TBC1D1: variants seen among roughly 807,000 people sequenced by gnomAD.
TBC1D1 encodes TBC1 (tre-2/USP6, BUB2, cdc16) domain family, member 1.
A neutral mutation model predicts 125.6 loss-of-function variants in TBC1D1; 89 were observed. The observed-to-expected ratio is 0.71, with a 90% confidence interval of 0.60 to 0.85. The LOEUF (loss-of-function observed/expected upper bound fraction) is 0.85. TBC1D1 is among the 40% of genes least tolerant of loss of function. TBC1D1 has a pLI of 0.00. For synonymous variants in TBC1D1, 565 were observed against 564.1 expected (o/e 1.00, Z -0.02); for missense variants, 1,377 against 1,469.2 (o/e 0.94, Z 1.03).
intron 15 of TBC1D1, among the ~76,000 whole-genome samples, chr4:38,112,983 T>C (rs1762440453): frequency 6.6e-6 from 1 of 152,160 alleles, no homozygotes; most frequent in Non-Finnish European, 1.5e-5. Flanking sequence ...AGCTTGCTGA[T>C]AAAGGTCATT....
intron 2 of TBC1D1, among the ~76,000 whole-genome samples, chr4:37,984,090 A>T (rs867730474): frequency 1.3e-4 from 20 of 151,432 alleles, no homozygotes; most frequent in South Asian, 8.4e-4. Context: ...TTTTTTTTTT[A>T]AAATGGCTTG....
chr4:38,036,426 A>T (rs987522838), intron 8 of TBC1D1, among the ~76,000 whole-genome samples: 1 of 152,190 alleles, frequency 6.6e-6, no homozygotes, highest in Non-Finnish European at 1.5e-5. Context: ...CACATTTTAT[A>T]TTTGCTAAAG....
chr4:38,083,399 A>G (rs34994418), intron 12 of TBC1D1, among the ~76,000 whole-genome samples: 4 of 152,034 alleles, frequency 2.6e-5, no homozygotes, highest in African/African-American at 9.7e-5. Flanking sequence ...TTACCTGCAC[A>G]TCTTGTTTAT....
chr4:37,939,053 G>A (rs979765256), intron 2 of TBC1D1, among the ~76,000 whole-genome samples: 11 of 152,340 alleles, frequency 7.2e-5, no homozygotes, highest in Admixed American at 2.6e-4. Context: ...TAATGGGATG[G>A]CTGGGTCAAA....
At position 37,987,081 on chromosome 4, in the gene TBC1D1, C is replaced by G. The variant is rs1201147017; in HGVS notation, c.418-27428C>G. Among the ~76,000 whole-genome samples the G allele has an allele frequency of 6.6e-5, 10 of 152,146 alleles. No homozygotes were observed. In the East Asian group the frequency reaches 1.9e-3, roughly 29 times the overall value. ...GGTAGGTGTGTGTAATGGATCTCTT[C>G]CCTCTAATATGAGAGATTGACTTTG... On this transcript the variant is annotated intron_variant, in intron 2 of 19. Transcript: ENST00000261439.
chr4:38,092,085 G>A (rs776249673), intron 13 of TBC1D1, among the ~76,000 whole-genome samples: 1 of 152,180 alleles, frequency 6.6e-6, no homozygotes, highest in Non-Finnish European at 1.5e-5. Context: ...AGCAATAACA[G>A]CCTGATTGCT....
chr4:37,923,910 C>T (rs1721542488), intron 2 of TBC1D1, among the ~76,000 whole-genome samples: 1 of 152,154 alleles, frequency 6.6e-6, no homozygotes, highest in African/African-American at 2.4e-5. Context: ...GAATTCCTGA[C>T]ATCAGCTGAT....
chr4:38,021,346 G>A (rs1743983955), intron 5 of TBC1D1, among the ~76,000 whole-genome samples: 1 of 152,204 alleles, frequency 6.6e-6, no homozygotes, highest in African/African-American at 2.4e-5. Flanking sequence ...TGAGATTTGG[G>A]TGGGGACACA....
intron 12 of TBC1D1, among the ~76,000 whole-genome samples, chr4:38,081,254 A>G (rs1466796331): frequency 6.6e-6 from 1 of 152,116 alleles, no homozygotes; most frequent in Non-Finnish European, 1.5e-5. Context: ...CCATGGTGCT[A>G]TAGGCCACAG....
intron 2 of TBC1D1, among the ~76,000 whole-genome samples, chr4:37,914,967 T>A (rs1719409455): frequency 6.6e-6 from 1 of 152,262 alleles, no homozygotes; most frequent in Non-Finnish European, 1.5e-5. Flanking sequence ...CTCATCATTA[T>A]CTGAAATTAT....
At position 38,090,130 on chromosome 4, in the gene TBC1D1, T is replaced by A; in HGVS notation, c.2236+13T>A. The A allele has an allele frequency of 6.2e-7, 1 of 1,613,846 alleles. No individual in the cohort carries two copies. Among genetic ancestry groups the A allele is most frequent in the East Asian group, 2.2e-5 (1 of 44,882 alleles). On this transcript the variant is annotated intron_variant, in intron 13 of 19. Transcript: ENST00000261439. ...CAGAAGCTCCAAGGTTGGTTTGCCA[T>A]CTTGATATTGAACAGGCCTGGTCTT... is the stretch of plus-strand genomic sequence containing the variant.
Position 37,977,558 on chromosome 4 carries a change from C to T in TBC1D1, c.418-36951C>T. The T allele has an allele frequency of 6.4e-6, 5 of 776,292 alleles. No individual in the cohort carries two copies. The highest frequency in any genetic ancestry group is 8.0e-6 in the Non-Finnish European group (5 of 626,978). 48.1% of individuals were successfully genotyped at this position (776,292 alleles called of 1,614,324 possible). A position where few individuals can be genotyped will look rare whatever the true frequency, so the allele number is the denominator to read the frequency against. ...GGCGGCGTCGGGCGGGCGCCCGTTA[C>T]CGGAGCGGAGCGGCAGGCGCGGGGC... On this transcript the variant is annotated intron_variant, in intron 2 of 19. Transcript: ENST00000261439. The surrounding 1 kb of genome is among the most constrained non-coding windows in gnomAD (Gnocchi z 4.3).
chr4:38,136,850 G>T (rs1441114445), intron 19 of TBC1D1, among the ~76,000 whole-genome samples: 1 of 152,056 alleles, frequency 6.6e-6, no homozygotes, highest in Admixed American at 6.5e-5. Context: ...GGGGGTTTGG[G>T]TTCCCTCTGT....
chr4:37,919,340 GT>G (rs60078358), intron 2 of TBC1D1, among the ~76,000 whole-genome samples: 31 of 140,934 alleles, frequency 2.2e-4, no homozygotes, highest in East Asian at 6.6e-4. Flanking sequence ...GTTTGTTTTT[GT>G]TTTTTTTTTT....
intron 15 of TBC1D1, among the ~76,000 whole-genome samples, chr4:38,108,685 TG>T (rs1377464286): frequency 1.3e-5 from 2 of 152,252 alleles, no homozygotes; most frequent in Non-Finnish European, 2.9e-5. Flanking sequence ...TCATGTTGAT[TG>T]TTTGCTTCTA....
At chr4:38,033,802 T>C (rs1746681285) in intron 7 of TBC1D1, among the ~76,000 whole-genome samples, 1 of 152,224 alleles carries the variant, frequency 6.6e-6, no homozygotes, top group Admixed American at 6.5e-5. Context: ...CAGTAGCCTT[T>C]TCAGACTGGC....
intron 2 of TBC1D1, among the ~76,000 whole-genome samples, chr4:37,962,835 TA>T (rs1231975127): frequency 3.3e-5 from 5 of 152,152 alleles, no homozygotes; most frequent in Non-Finnish European, 1.5e-5. Context: ...AAAACTTGGA[TA>T]AAAAAAGAAA....
At chr4:38,126,642 C>T (rs2152619903) in intron 18 of TBC1D1, among the ~76,000 whole-genome samples, 1 of 152,332 alleles carries the variant, frequency 6.6e-6, no homozygotes, top group Non-Finnish European at 1.5e-5. Context: ...CTTTTCCTTC[C>T]CTGGAACACT....
chr4:38,073,249 C>A (rs182982020), intron 12 of TBC1D1, among the ~76,000 whole-genome samples: 1 of 152,172 alleles, frequency 6.6e-6, no homozygotes, highest in Admixed American at 6.5e-5. Flanking sequence ...CCCAAGGGCT[C>A]CAGTTCCTCT....
Sources: gnomAD v4.1 joint callset for allele counts (sites outside exome capture counted in the v4.1 genomes callset) on GRCh38, gnomAD v4.1.1 for gene constraint, Gnocchi (gnomAD v3.1) non-coding constraint, MANE v1.5 for transcripts, NCBI Gene and HGNC (gene_info 2026-07-23, HGNC 2026-07-21) for gene names.